NXN: variants seen among roughly 807,000 people sequenced by gnomAD.
The protein encoded by NXN is nucleoredoxin 1.
In NXN, 16 loss-of-function variants were observed where a neutral mutation model predicts 48.6. The observed-to-expected ratio is 0.33, with a 90% CI of 0.22 to 0.50. The LOEUF (loss-of-function observed/expected upper bound fraction) is 0.50, where lower values mean the gene tolerates loss of function less well. Among genes scored for constraint, NXN ranks in the 20% least tolerant of loss-of-function variants. The pLI is 0.98. For missense variants in NXN, 492 were observed against 605.5 expected, an observed-to-expected ratio of 0.81 and a Z score of 1.97; for synonymous variants, 281 against 269.6, an observed-to-expected ratio of 1.04 and a Z score of -0.41.
Position 896,567 on chromosome 17 carries a change from G to A in NXN, c.361-70489C>T, listed in dbSNP as rs140795007. Among the ~76,000 whole-genome samples the A allele has an allele frequency of 9.9e-4, 151 of 152,284 alleles. 3 individuals carry two copies. The East Asian group carries it at 0.024, about 24-fold the overall frequency. On this transcript the variant is annotated intron_variant, in intron 1 of 7. Coordinates refer to ENST00000336868, the MANE Select transcript of NXN (RefSeq NM_022463.5). Reference sequence around the variant, plus strand: ...TTCCCGTACCTCTCCCTGTTGCCTCGCACACCGTATAAACTTACCAGACGT... The same window carrying A: ...TTCCCGTACCTCTCCCTGTTGCCTCACACACCGTATAAACTTACCAGACGT...
At position 849,449 on chromosome 17, in the gene NXN, C is replaced by T. The variant is rs140771948; in HGVS notation, c.361-23371G>A. ...TCAGGAGGCTGAGGCAGAAGAATTG[C>T]TTGAACCTGGGAGGCGGAGGTTGCA... On this transcript the variant is annotated intron_variant, in intron 1 of 7. Transcript: ENST00000336868. The surrounding 1 kb of genome is among the most constrained non-coding windows in gnomAD (Gnocchi z 4.2). 0.038 allele frequency among the ~76,000 whole-genome samples: 5,781 copies of T among 152,222 alleles called. 113 individuals carry two copies. The highest frequency in any genetic ancestry group is 0.056 in the East Asian group (292 of 5,170).
chr17:816,212 G>A (rs561261), intron 5 of NXN, among the ~76,000 whole-genome samples: 62,616 of 151,934 alleles, frequency 0.41, 13,051 homozygotes, highest in East Asian at 0.53. Flanking sequence ...AGGCAGTCAC[G>A]TCGCTTTTAA....
At position 818,675 on chromosome 17, in the gene NXN, A is replaced by G. The variant is rs558854245; in HGVS notation, c.820+764T>C. Among the ~76,000 whole-genome samples the G allele has an allele frequency of 1.4e-3, 207 of 152,246 alleles. 1 individual carries two copies. The highest frequency in any genetic ancestry group is 4.8e-3 in the African/African-American group (200 of 41,558). ...TCGAGGCGGGCAGATCACGAGGTCA[A>G]GAGATCGAGACCATCCTGGCCAACA... On this transcript the variant is annotated intron_variant, in intron 5 of 7. Transcript: ENST00000336868.
intron 1 of NXN, among the ~76,000 whole-genome samples, chr17:847,316 C>T (rs1361634364): frequency 6.6e-6 from 1 of 151,816 alleles, no homozygotes; most frequent in African/African-American, 2.4e-5. Context: ...TGATCACTTT[C>T]CTGCTTCAGG....
At chr17:823,566 C>A in intron 3 of NXN, 66 bp downstream of exon 3, 1 of 1,591,380 alleles carries the variant, frequency 6.3e-7, no homozygotes, top group Non-Finnish European at 8.6e-7. Context: ...AAGCCAACCA[C>A]AGCTGGGCCT....
chr17:812,933 A>C (rs1249490568), intron 5 of NXN, among the ~76,000 whole-genome samples: 1 of 143,524 alleles, frequency 7.0e-6, no homozygotes, highest in South Asian at 2.2e-4. Context: ...TGCGTGTGTG[A>C]GTGTGCATAT....
intron 1 of NXN, among the ~76,000 whole-genome samples, chr17:843,006 G>GAGAGAA (rs1914438143): frequency 1.0e-5 from 1 of 96,042 alleles, no homozygotes; most frequent in African/African-American, 4.3e-5. Flanking sequence ...GAGAGAAAGA[G>GAGAGAA]AGAAAGAAAG....
intron 1 of NXN, among the ~76,000 whole-genome samples, chr17:930,994 C>T (rs2068847452): frequency 6.6e-6 from 1 of 152,106 alleles, no homozygotes; most frequent in Non-Finnish European, 1.5e-5. Context: ...TGGTCTCGAA[C>T]TCCTGACCTC....
chr17:818,210 G>A (rs913251034), intron 5 of NXN, among the ~76,000 whole-genome samples: 15 of 151,632 alleles, frequency 9.9e-5, no homozygotes, highest in African/African-American at 2.9e-4. Context: ...GTGGTGAGCC[G>A]AGATCACGCC....
rs765811848 is a variant in NXN, at chr17:805,156, C to T, written c.912G>A (p.Glu304=). The T allele has an allele frequency of 6.2e-7, 1 of 1,610,300 alleles. No individual in the cohort carries two copies. The highest frequency in any genetic ancestry group is 1.1e-5 in the South Asian group (1 of 90,368). ...GCACGGGCTTGGGGTGCCAGGGGAA[C>T]TCCCGGCAGTCCTCGTCGTTCAGCA... ...VEVLNDEDCR[E]FPWHPKPVLE... The change falls in exon 6 of 8, where the codon GAG becomes GAA. Residue 304 remains glutamate (E), a synonymous_variant. Coordinates refer to ENST00000336868, the MANE Select transcript of NXN (RefSeq NM_022463.5).
At chr17:963,583 C>T (rs1284027312) in intron 1 of NXN, among the ~76,000 whole-genome samples, 2 of 151,830 alleles carry the variant, frequency 1.3e-5, no homozygotes, top group Non-Finnish European at 2.9e-5. Context: ...CCCTGGGTGA[C>T]AGAACAAGAC....
At position 838,850 on chromosome 17, in the gene NXN, C is replaced by T. The variant is rs559777824; in HGVS notation, c.361-12772G>A. On this transcript the variant is annotated intron_variant, in intron 1 of 7. Coordinates refer to ENST00000336868, the MANE Select transcript of NXN (RefSeq NM_022463.5). The stretch of plus-strand genomic sequence containing the variant: ...AACGGGGGCCGCTCCAAGAACCCAC[C>T]GTTCCGGGTTGAGTTTGGTCCTCAC... Among the ~76,000 whole-genome samples, 6 of 152,178 alleles carry T rather than the reference C, an allele frequency of 3.9e-5. No homozygotes were observed. The East Asian group carries it at 7.7e-4, about 20-fold the overall frequency.
chr17:819,029 C>T (rs113636478), intron 5 of NXN: 4,443 of 303,166 alleles, frequency 0.015, 154 homozygotes, highest in African/African-American at 0.084. Flanking sequence ...TCACTGCAAC[C>T]TCTGCCTCCT....
At chr17:885,852 T>C (rs2068341127) in intron 1 of NXN, among the ~76,000 whole-genome samples, 1 of 151,374 alleles carries the variant, frequency 6.6e-6, no homozygotes. Context: ...GGCTAATTTT[T>C]TTTTTTTGTA....
At chr17:832,291 C>A (rs1021087874) in intron 1 of NXN, among the ~76,000 whole-genome samples, 1 of 151,970 alleles carries the variant, frequency 6.6e-6, no homozygotes, top group Non-Finnish European at 1.5e-5. Flanking sequence ...CATTCTCCTG[C>A]CTCAGCCTCC....
intron 1 of NXN, among the ~76,000 whole-genome samples, chr17:976,681 GCACCCTAA>G (rs2069462769): frequency 4.6e-5 from 7 of 152,138 alleles, no homozygotes; most frequent in African/African-American, 1.7e-4. Flanking sequence ...GGGCTTCTAA[GCACCCTAA>G]CTTCAAATGA....
At chr17:832,796 T>C (rs2144675775) in intron 1 of NXN, among the ~76,000 whole-genome samples, 1 of 152,210 alleles carries the variant, frequency 6.6e-6, no homozygotes, top group African/African-American at 2.4e-5. Context: ...AGGTCTCTGC[T>C]TGTGTTTTAT....
chr17:888,744 C>T (rs975643948), intron 1 of NXN, among the ~76,000 whole-genome samples: 3 of 151,796 alleles, frequency 2.0e-5, no homozygotes, highest in African/African-American at 7.3e-5. Context: ...CACCTGAGGT[C>T]AGGAGTTCGA....
At chr17:822,143 G>A (rs1298032969) in intron 4 of NXN, among the ~76,000 whole-genome samples, 1 of 151,964 alleles carries the variant, frequency 6.6e-6, no homozygotes, top group Non-Finnish European at 1.5e-5. Flanking sequence ...GCCGGGCATG[G>A]TGGCGGGCAC....
Sources: allele counts gnomAD v4.1 joint callset (sites outside exome capture counted in the v4.1 genomes callset), GRCh38; gene constraint gnomAD v4.1.1; non-coding constraint Gnocchi (gnomAD v3.1); transcripts MANE v1.5; gene names NCBI Gene and HGNC (gene_info 2026-07-23, HGNC 2026-07-21).